The following BMERB1 variants were observed in gnomAD, a reference collection of about 807,000 sequenced individuals.
BMERB1 encodes bMERB domain-containing protein 1.
A neutral mutation model predicts 23.6 loss-of-function variants in BMERB1; 12 were observed. That is an observed-to-expected ratio of 0.51 (90% CI 0.33 to 0.82). The LOEUF (loss-of-function observed/expected upper bound fraction) is 0.82. BMERB1 is among the 40% of genes least tolerant of loss of function. The pLI is 0.03. For missense variants in BMERB1, 247 were observed against 255.4 expected, an observed-to-expected ratio of 0.97 and a Z score of 0.22; for synonymous variants, 122 against 96.6, an observed-to-expected ratio of 1.26 and a Z score of -1.54.
In BMERB1 at chr16:15,587,069, TCTCA is replaced by T. The variant is rs924070591; in HGVS notation, c.*243_*246del. ...AGAGCATGCCGAACCCAGGAGTCTG[TCTCA>T]CTGTTTATCCAAACACCAGGAAAGG... On this transcript the variant is annotated 3_prime_UTR_variant, in exon 6 of 6. Coordinates refer to ENST00000300006, the MANE Select transcript of BMERB1 (RefSeq NM_033201.3). The T allele has an allele frequency of 7.8e-5, 39 of 502,752 alleles. No homozygotes were observed. Among genetic ancestry groups the T allele is most frequent in the African/African-American group, 5.5e-4 (28 of 51,198 alleles). 31.1% of individuals were successfully genotyped at this position (502,752 alleles called of 1,614,324 possible). A position where few individuals can be genotyped will look rare whatever the true frequency, so the allele number is the denominator to read the frequency against.
intron 5 of BMERB1, chr16:15,584,221 A>G: frequency 1.7e-6 from 1 of 580,596 alleles, no homozygotes; most frequent in Non-Finnish European, 3.1e-6. Flanking sequence ...GCGTTTCTCA[A>G]ATGTGTTTAA....
chr16:15,462,815 A>G (rs1255710753), intron 1 of BMERB1, among the ~76,000 whole-genome samples: 1 of 152,198 alleles, frequency 6.6e-6, no homozygotes, highest in Non-Finnish European at 1.5e-5. Flanking sequence ...TGTCAGGTAC[A>G]GTGACTCAGG....
At chr16:15,505,256 T>C (rs2051575334) in intron 1 of BMERB1, among the ~76,000 whole-genome samples, 1 of 152,164 alleles carries the variant, frequency 6.6e-6, no homozygotes, top group African/African-American at 2.4e-5. Context: ...CCAGTGGTAC[T>C]TTCATGCTTG....
intron 2 of BMERB1, among the ~76,000 whole-genome samples, chr16:15,530,619 C>G (rs1448671267): frequency 6.6e-6 from 1 of 151,970 alleles, no homozygotes; most frequent in Admixed American, 6.6e-5. Flanking sequence ...GGCTGTGTCC[C>G]CACCCAAATC....
At chr16:15,533,856 C>T (rs2051993930) in intron 2 of BMERB1, among the ~76,000 whole-genome samples, 1 of 152,142 alleles carries the variant, frequency 6.6e-6, no homozygotes, top group South Asian at 2.1e-4. Flanking sequence ...CCTTGTTCAA[C>T]CCTGCGCATC....
At chr16:15,562,318 A>T (rs1040664113) in intron 2 of BMERB1, among the ~76,000 whole-genome samples, 426 of 151,162 alleles carry the variant, frequency 2.8e-3, no homozygotes, top group African/African-American at 9.8e-3. Context: ...AAAAAAAAAA[A>T]AACATAAATA....
At chr16:15,531,537 G>A (rs562278433) in intron 2 of BMERB1, among the ~76,000 whole-genome samples, 3 of 152,276 alleles carry the variant, frequency 2.0e-5, no homozygotes, top group Admixed American at 2.0e-4. Context: ...GCCACAGTGT[G>A]GCAGCAACAA....
chr16:15,525,056 A>G (rs1270710198), intron 2 of BMERB1, among the ~76,000 whole-genome samples: 1 of 152,154 alleles, frequency 6.6e-6, no homozygotes, highest in African/African-American at 2.4e-5. Context: ...TCTTCGATGT[A>G]TGTGTCTGCA....
chr16:15,525,835 T>G (rs1179437692), intron 2 of BMERB1, among the ~76,000 whole-genome samples: 1 of 152,182 alleles, frequency 6.6e-6, no homozygotes, highest in Non-Finnish European at 1.5e-5. Flanking sequence ...AAATTTTCAT[T>G]TGGATAGTTT....
chr16:15,514,741 A>G (rs2051724102), intron 1 of BMERB1, among the ~76,000 whole-genome samples: 3 of 151,994 alleles, frequency 2.0e-5, no homozygotes, highest in Admixed American at 6.6e-5. Flanking sequence ...TTGAGATCAC[A>G]CCACTGCATT....
chr16:15,515,579 G>C (rs1370113732), intron 2 of BMERB1, 151 bp downstream of exon 2: 1 of 1,175,628 alleles, frequency 8.5e-7, no homozygotes, highest in Non-Finnish European at 1.1e-6. Context: ...CCACCACCCA[G>C]GGAAGTGGAT....
At chr16:15,494,534 A>C (rs1452991390) in intron 1 of BMERB1, among the ~76,000 whole-genome samples, 1 of 152,128 alleles carries the variant, frequency 6.6e-6, no homozygotes, top group Non-Finnish European at 1.5e-5. Flanking sequence ...ATTCAAATGC[A>C]ATCTTTCTGG....
intron 1 of BMERB1, among the ~76,000 whole-genome samples, chr16:15,436,345 A>G (rs1235345417): frequency 7.1e-6 from 1 of 141,216 alleles, no homozygotes; most frequent in Non-Finnish European, 1.5e-5. Flanking sequence ...TGCGACCTCC[A>G]CTTCCTGGGT....
At chr16:15,454,059 A>G (rs1158795134) in intron 1 of BMERB1, among the ~76,000 whole-genome samples, 1 of 151,684 alleles carries the variant, frequency 6.6e-6, no homozygotes, top group East Asian at 1.9e-4. Context: ...TTTCTCACAC[A>G]TCTCTGCTCT....
At chr16:15,494,521 G>A (rs1293077026) in intron 1 of BMERB1, among the ~76,000 whole-genome samples, 3 of 152,110 alleles carry the variant, frequency 2.0e-5, no homozygotes, top group East Asian at 1.9e-4. Context: ...TAACACACAC[G>A]TAATTCAAAT....
chr16:15,547,631 C>T (rs2029960545), intron 2 of BMERB1, among the ~76,000 whole-genome samples: 1 of 152,162 alleles, frequency 6.6e-6, no homozygotes, highest in South Asian at 2.1e-4. Context: ...AGGCATGAGT[C>T]ACTGCCTGCC....
chr16:15,556,156 C>G (rs571222497), intron 2 of BMERB1, among the ~76,000 whole-genome samples: 1 of 149,126 alleles, frequency 6.7e-6, no homozygotes, highest in Non-Finnish European at 1.5e-5. Flanking sequence ...ACAGCCTGGA[C>G]GACAAGAGCG....
intron 1 of BMERB1, among the ~76,000 whole-genome samples, chr16:15,485,714 CAA>C (rs918047308): frequency 4.5e-5 from 6 of 131,884 alleles, no homozygotes; most frequent in Admixed American, 7.7e-5. Flanking sequence ...CCCCCCAGGC[CAA>C]AAAAAAAAAG....
chr16:15,532,353 TC>T (rs2051976021), intron 2 of BMERB1, among the ~76,000 whole-genome samples: 1 of 151,594 alleles, frequency 6.6e-6, no homozygotes, highest in South Asian at 2.1e-4. Context: ...TGCCTCAGCC[TC>T]CCTAGTAGCT....
Sources: allele counts gnomAD v4.1 joint callset (sites outside exome capture counted in the v4.1 genomes callset), GRCh38; gene constraint gnomAD v4.1.1; transcripts MANE v1.5; gene names NCBI Gene and HGNC (gene_info 2026-07-23, HGNC 2026-07-21).